Variants in PELI2 observed in about 807,000 individuals in gnomAD.
PELI2 encodes the protein pellino E3 ubiquitin protein ligase family member 2.
Under a neutral mutation model 42.3 loss-of-function variants are expected in PELI2, and 23 were observed. The ratio of observed to expected loss-of-function variants is 0.54; its 90% CI spans 0.39 to 0.77. The LOEUF is 0.77. Among genes scored for constraint, PELI2 ranks in the 30% least tolerant of loss-of-function variants. PELI2 has a pLI of 0.00. For synonymous variants in PELI2, 245 were observed against 212.2 expected, an observed-to-expected ratio of 1.15 and a Z score of -1.34; for missense variants, 463 against 553.2, an observed-to-expected ratio of 0.84 and a Z score of 1.64.
intron 1 of PELI2, among the ~76,000 whole-genome samples, chr14:56,152,618 G>A (rs1284308814): frequency 1.3e-5 from 2 of 151,984 alleles, no homozygotes; most frequent in African/African-American, 2.4e-5. Context: ...ACCTCCCTTG[G>A]GTCAGTCTGA....
chr14:56,178,571 T>G (rs1885469104), intron 2 of PELI2, 107 bp downstream of exon 2: 1 of 1,258,458 alleles, frequency 7.9e-7, no homozygotes, highest in Non-Finnish European at 1.1e-6. Flanking sequence ...GGACAGTCTC[T>G]CAGACCATTT....
chr14:56,144,867 C>G, intron 1 of PELI2: 1 of 556,170 alleles, frequency 1.8e-6, no homozygotes, highest in Non-Finnish European at 2.3e-6. Context: ...GGGCCTTGTA[C>G]AGGAATAAAA....
intron 1 of PELI2, among the ~76,000 whole-genome samples, chr14:56,165,985 ACT>A (rs1313941362): frequency 6.6e-6 from 1 of 151,924 alleles, no homozygotes; most frequent in African/African-American, 2.4e-5. Flanking sequence ...AATAGACTAA[ACT>A]CTCATTATTA....
intron 2 of PELI2, among the ~76,000 whole-genome samples, chr14:56,269,315 C>A (rs528763790): frequency 2.0e-5 from 3 of 151,850 alleles, no homozygotes; most frequent in Admixed American, 1.3e-4. Context: ...TGGTGGTGTG[C>A]GCCTGTGGTC....
At chr14:56,234,453 G>A (rs1887708947) in intron 2 of PELI2, among the ~76,000 whole-genome samples, 1 of 152,164 alleles carries the variant, frequency 6.6e-6, no homozygotes, top group Admixed American at 6.5e-5. Context: ...CCTTTGTAGG[G>A]ACATGGGTGA....
intron 2 of PELI2, among the ~76,000 whole-genome samples, chr14:56,221,513 C>G (rs1307800455): frequency 6.6e-6 from 1 of 152,190 alleles, no homozygotes; most frequent in African/African-American, 2.4e-5. Context: ...TTTGCCAGAT[C>G]CCAAATTGGA....
At chr14:56,271,681 C>T (rs1889108913) in intron 2 of PELI2, among the ~76,000 whole-genome samples, 1 of 152,212 alleles carries the variant, frequency 6.6e-6, no homozygotes, top group African/African-American at 2.4e-5. Flanking sequence ...ATTCAGAAGG[C>T]TGTTGAGAAC....
chr14:56,295,870 G>A lies in PELI2; in HGVS notation c.697-730G>A, dbSNP rs145011345. Among the ~76,000 whole-genome samples the A allele has an allele frequency of 2.0e-5, 3 of 152,360 alleles. No homozygotes were observed. The East Asian group carries it at 5.8e-4, about 29-fold the overall frequency. ...TCTGCCTTCCACTACTGAAGAGCAAGTCTCAGCAGGATGGGGAAGAGGTTT... is the reference window on the plus strand; with the variant it reads ...TCTGCCTTCCACTACTGAAGAGCAAATCTCAGCAGGATGGGGAAGAGGTTT... On this transcript the variant is annotated intron_variant, in intron 5 of 5. Coordinates refer to ENST00000267460, the MANE Select transcript of PELI2 (RefSeq NM_021255.3).
chr14:56,120,942 A>G lies in PELI2; in HGVS notation c.77+2205A>G, dbSNP rs115501935. Among the ~76,000 whole-genome samples, 448 of 152,308 alleles carry G rather than the reference A, an allele frequency of 2.9e-3. 2 individuals are homozygous for G. The highest frequency in any genetic ancestry group is 0.01 in the African/African-American group (419 of 41,554). On this transcript the variant is annotated intron_variant, in intron 1 of 5. Transcript: ENST00000267460. The stretch of plus-strand genomic sequence containing the variant: ...AGGGTAGGTTTCTGACTGTTTACCA[A>G]TGTTGAACACATTGAAGAGTGCAGG...
intron 3 of PELI2, among the ~76,000 whole-genome samples, chr14:56,283,614 A>G (rs528337681): frequency 6.6e-6 from 1 of 152,302 alleles, no homozygotes; most frequent in African/African-American, 2.4e-5. Context: ...TCTTAATTTC[A>G]TAGCTGAGAA....
At chr14:56,128,598 G>A (rs1229721107) in intron 1 of PELI2, among the ~76,000 whole-genome samples, 1 of 152,110 alleles carries the variant, frequency 6.6e-6, no homozygotes, top group Admixed American at 6.5e-5. Flanking sequence ...GAGGTGACCT[G>A]GGTTTTTTAT....
intron 2 of PELI2, among the ~76,000 whole-genome samples, chr14:56,239,882 G>C (rs1887915245): frequency 6.6e-6 from 1 of 152,074 alleles, no homozygotes; most frequent in South Asian, 2.1e-4. Flanking sequence ...TACATTTATT[G>C]ATAGAAATGA....
At chr14:56,119,452 C>A (rs1386463646) in intron 1 of PELI2, among the ~76,000 whole-genome samples, 2 of 152,274 alleles carry the variant, frequency 1.3e-5, no homozygotes, top group East Asian at 3.9e-4. Context: ...GGGCCGTATC[C>A]CCCCGGTCCC....
At chr14:56,260,420 A>G (rs1333628904) in intron 2 of PELI2, among the ~76,000 whole-genome samples, 1 of 152,194 alleles carries the variant, frequency 6.6e-6, no homozygotes, top group Non-Finnish European at 1.5e-5. Flanking sequence ...GAAATTCCAG[A>G]AAAGACAGCT....
intron 2 of PELI2, among the ~76,000 whole-genome samples, chr14:56,187,263 G>A (rs533484794): frequency 6.6e-6 from 1 of 152,182 alleles, no homozygotes; most frequent in Non-Finnish European, 1.5e-5. Context: ...AAACTAGAAT[G>A]CTGCAACCCT....
chr14:56,253,040 G>T (rs1260096743), intron 2 of PELI2, among the ~76,000 whole-genome samples: 8 of 152,136 alleles, frequency 5.3e-5, no homozygotes, highest in Non-Finnish European at 7.3e-5. Flanking sequence ...TGCAAGGCTG[G>T]TTCAACATAT....
chr14:56,119,460 C>A (rs991321727), intron 1 of PELI2, among the ~76,000 whole-genome samples: 1 of 152,206 alleles, frequency 6.6e-6, no homozygotes. Flanking sequence ...TCCCCCCGGT[C>A]CCGGCCTCGC....
chr14:56,159,245 G>T (rs1220950653), intron 1 of PELI2, among the ~76,000 whole-genome samples: 1 of 152,224 alleles, frequency 6.6e-6, no homozygotes, highest in Non-Finnish European at 1.5e-5. Flanking sequence ...GCTTTAGGCT[G>T]TGGTGGAGTG....
At chr14:56,271,274 A>G (rs754945307) in intron 2 of PELI2, among the ~76,000 whole-genome samples, 1 of 152,198 alleles carries the variant, frequency 6.6e-6, no homozygotes, top group Non-Finnish European at 1.5e-5. Flanking sequence ...TCTGCCATAA[A>G]CATAAATATC....
Sources: gnomAD v4.1 joint callset for allele counts (sites outside exome capture counted in the v4.1 genomes callset) on GRCh38, gnomAD v4.1.1 for gene constraint, MANE v1.5 for transcripts, NCBI Gene and HGNC (gene_info 2026-07-23, HGNC 2026-07-21) for gene names.